PARD3B: variants seen among roughly 807,000 people sequenced by gnomAD.
The protein encoded by PARD3B is partitioning defective 3 homolog B.
In PARD3B, 103 loss-of-function variants were observed where a neutral mutation model predicts 130.2. The ratio of observed to expected loss-of-function variants is 0.79; its 90% CI spans 0.67 to 0.93. The LOEUF is 0.93. Ranked by LOEUF, PARD3B falls within the 40% of genes least tolerant of loss-of-function variation. The probability of loss-of-function intolerance (pLI) is 0.00; values close to 1 mark genes in which losing one functional copy is unlikely to be tolerated. For synonymous variants in PARD3B, 583 were observed against 553.2 expected, an observed-to-expected ratio of 1.05 and a Z score of -0.76; for missense variants, 1,609 against 1,499.2, an observed-to-expected ratio of 1.07 and a Z score of -1.21.
At chr2:204,655,787 A>G (rs2035618636) in intron 1 of PARD3B, among the ~76,000 whole-genome samples, 1 of 152,008 alleles carries the variant, frequency 6.6e-6, no homozygotes, top group Non-Finnish European at 1.5e-5. Flanking sequence ...TTAAGTGATA[A>G]TCATTTATTG....
chr2:204,835,847 T>C (rs1217523189), intron 2 of PARD3B, among the ~76,000 whole-genome samples: 2 of 152,244 alleles, frequency 1.3e-5, no homozygotes, highest in African/African-American at 4.8e-5. Context: ...TGCAGGCTTA[T>C]GTAAGTGTTC....
At chr2:205,041,157 G>A (rs1698370985) in intron 3 of PARD3B, among the ~76,000 whole-genome samples, 1 of 152,006 alleles carries the variant, frequency 6.6e-6, no homozygotes, top group Admixed American at 6.6e-5. Context: ...TTCACTTCAT[G>A]TTTGTATCTA....
chr2:205,494,359 A>C (rs1266549230), intron 20 of PARD3B, among the ~76,000 whole-genome samples: 2 of 152,102 alleles, frequency 1.3e-5, no homozygotes, highest in Non-Finnish European at 2.9e-5. Flanking sequence ...CCTCTCATTC[A>C]GTTAGTGGTG....
chr2:204,977,492 A>T (rs1692273681), intron 3 of PARD3B, among the ~76,000 whole-genome samples: 1 of 152,316 alleles, frequency 6.6e-6, no homozygotes, highest in East Asian at 1.9e-4. Flanking sequence ...AGAAAATGAG[A>T]CACCCATGTT....
intron 10 of PARD3B, among the ~76,000 whole-genome samples, chr2:205,154,882 C>T (rs1009359216): frequency 2.0e-5 from 3 of 151,864 alleles, no homozygotes; most frequent in Admixed American, 6.6e-5. Flanking sequence ...AACTTCACAC[C>T]CAGGCCTGTT....
intron 2 of PARD3B, among the ~76,000 whole-genome samples, chr2:204,708,832 G>A (rs2038304279): frequency 6.6e-6 from 1 of 152,016 alleles, no homozygotes; most frequent in Non-Finnish European, 1.5e-5. Context: ...CTATGATCAA[G>A]TGTCACCTAC....
At chr2:204,997,829 A>G (rs890635106) in intron 3 of PARD3B, among the ~76,000 whole-genome samples, 14 of 150,372 alleles carry the variant, frequency 9.3e-5, no homozygotes, top group Non-Finnish European at 1.6e-4. Flanking sequence ...ATACATTTAT[A>G]GATATATAAT....
At chr2:205,515,600 ATGT>A (rs767216606) in intron 21 of PARD3B, among the ~76,000 whole-genome samples, 5 of 151,922 alleles carry the variant, frequency 3.3e-5, no homozygotes, top group Non-Finnish European at 7.4e-5. Context: ...GGCTGCATGT[ATGT>A]CTTTTTTTGA....
intron 2 of PARD3B, among the ~76,000 whole-genome samples, chr2:204,768,797 CTGTT>C (rs1208594699): frequency 1.2e-5 from 1 of 83,892 alleles, no homozygotes; most frequent in East Asian, 3.8e-4. Flanking sequence ...ATTTGGCTCT[CTGTT>C]TGTCTTTTGT....
chr2:205,368,667 A>G (rs1274895923), intron 18 of PARD3B, among the ~76,000 whole-genome samples: 2 of 152,106 alleles, frequency 1.3e-5, no homozygotes, highest in Non-Finnish European at 2.9e-5. Context: ...ATTCAAATAA[A>G]AGAATAGACA....
At chr2:205,504,199 G>A (rs2050263490) in intron 21 of PARD3B, among the ~76,000 whole-genome samples, 1 of 152,080 alleles carries the variant, frequency 6.6e-6, no homozygotes, top group African/African-American at 2.4e-5. Flanking sequence ...TATGGAGAAG[G>A]CTGAAAATGG....
intron 22 of PARD3B, among the ~76,000 whole-genome samples, chr2:205,556,360 G>A (rs1169130786): frequency 6.6e-6 from 1 of 152,168 alleles, no homozygotes; most frequent in Non-Finnish European, 1.5e-5. Context: ...CATCGACACA[G>A]AGAGAAAATG....
chr2:205,540,534 G>A (rs2106457988), intron 21 of PARD3B, among the ~76,000 whole-genome samples: 2 of 152,260 alleles, frequency 1.3e-5, no homozygotes, highest in East Asian at 3.9e-4. Context: ...CCTTCGGACA[G>A]GTTTTTGAGA....
intron 2 of PARD3B, among the ~76,000 whole-genome samples, chr2:204,916,521 G>A (rs1408062244): frequency 6.6e-6 from 1 of 152,052 alleles, no homozygotes. Flanking sequence ...AAATTCTATA[G>A]AGATTTATTA....
intron 19 of PARD3B, among the ~76,000 whole-genome samples, chr2:205,413,434 G>T (rs2046669144): frequency 6.6e-6 from 1 of 152,050 alleles, no homozygotes; most frequent in Non-Finnish European, 1.5e-5. Context: ...CACAGAATAG[G>T]CACTCAATAA....
At chr2:205,515,366 G>A (rs2050752162) in intron 21 of PARD3B, among the ~76,000 whole-genome samples, 1 of 152,144 alleles carries the variant, frequency 6.6e-6, no homozygotes, top group South Asian at 2.1e-4. Context: ...ACCCAGTAAT[G>A]AGATTGTTGT....
chr2:205,389,371 T>C lies in PARD3B; in HGVS notation c.2631-11642T>C, dbSNP rs116089901. On this transcript the variant is annotated intron_variant, in intron 18 of 22. Coordinates refer to ENST00000406610, the MANE Select transcript of PARD3B (RefSeq NM_001302769.2). ...AGGTATTATTATTATTTTATTATTA[T>C]TACTTTTTGAGACGGGGTTTCGTTC... Among the ~76,000 whole-genome samples, 824 of 152,270 alleles carry C rather than the reference T, an allele frequency of 5.4e-3. 10 individuals carry two copies. The highest frequency in any genetic ancestry group is 0.019 in the African/African-American group (791 of 41,568).
chr2:204,914,411 T>C (rs1239045333), intron 2 of PARD3B, among the ~76,000 whole-genome samples: 1 of 152,184 alleles, frequency 6.6e-6, no homozygotes, highest in Non-Finnish European at 1.5e-5. Context: ...CAAATTCCTC[T>C]GATCATCATT....
Position 205,619,506 on chromosome 2 carries a change from G to A in PARD3B, c.*3693G>A, listed in dbSNP as rs921934449. On this transcript the variant is annotated 3_prime_UTR_variant, in exon 23 of 23. Transcript: ENST00000406610. ...AGAAAGACTGGTCTTAGTGCAATTA[G>A]GCAGGAGGGATTTGGACTCAGAAAC... 1 of 152,092 alleles carries A rather than the reference G, an allele frequency of 6.6e-6. No homozygotes were observed. Among genetic ancestry groups the A allele is most frequent in the Non-Finnish European group, 1.5e-5 (1 of 68,026 alleles). The allele number at this position is 152,092 out of a possible 1,614,324, so 9.4% of individuals were successfully genotyped here.
Sources: gnomAD v4.1 joint callset for allele counts (sites outside exome capture counted in the v4.1 genomes callset) on GRCh38, gnomAD v4.1.1 for gene constraint, MANE v1.5 for transcripts, NCBI Gene and HGNC (gene_info 2026-07-23, HGNC 2026-07-21) for gene names.